NTRK3: variants seen among roughly 807,000 people sequenced by gnomAD.
The protein encoded by NTRK3 is neurotrophic receptor tyrosine kinase 3.
Under a neutral mutation model 91.7 loss-of-function variants are expected in NTRK3, and 24 were observed. That is an observed-to-expected ratio of 0.26 (90% CI 0.19 to 0.37). The LOEUF (loss-of-function observed/expected upper bound fraction) is 0.37, where lower values mean the gene tolerates loss of function less well. Among genes scored for constraint, NTRK3 ranks in the 10% least tolerant of loss-of-function variants. The pLI, the probability that NTRK3 is intolerant of heterozygous loss-of-function variation, is 1.00. For missense variants in NTRK3, 880 were observed against 1,068.9 expected, an observed-to-expected ratio of 0.82 and a Z score of 2.46; for synonymous variants, 483 against 404.0, an observed-to-expected ratio of 1.20 and a Z score of -2.34.
At chr15:88,205,458 C>A (rs375303397) in intron 3 of NTRK3, among the ~76,000 whole-genome samples, 1 of 152,174 alleles carries the variant, frequency 6.6e-6, no homozygotes, top group Non-Finnish European at 1.5e-5. Flanking sequence ...GCGATGCTTA[C>A]GTGAAATCAC....
chr15:87,942,757 G>A (rs2070016206), intron 14 of NTRK3, among the ~76,000 whole-genome samples: 1 of 152,202 alleles, frequency 6.6e-6, no homozygotes, highest in African/African-American at 2.4e-5. Flanking sequence ...AAATGGGTAT[G>A]GGGAGAATAG....
chr15:87,898,902 C>T (rs1470452017), intron 17 of NTRK3, among the ~76,000 whole-genome samples: 2 of 151,626 alleles, frequency 1.3e-5, no homozygotes, highest in Non-Finnish European at 2.9e-5. Context: ...ACTTGGGAGG[C>T]TGACACACAT....
intron 13 of NTRK3, among the ~76,000 whole-genome samples, chr15:88,052,697 G>T (rs542159884): frequency 6.6e-6 from 1 of 152,308 alleles, no homozygotes; most frequent in South Asian, 2.1e-4. Flanking sequence ...AATGAGAAAT[G>T]AGATGGAAAG....
At position 88,227,763 on chromosome 15, in the gene NTRK3, C is replaced by G. The variant is rs144524870; in HGVS notation, c.248+28143G>C. On this transcript the variant is annotated intron_variant, in intron 3 of 18. Coordinates refer to ENST00000394480, the Ensembl canonical transcript of NTRK3. ...CACTCACTGCCCGTTCCTCCCTCCCCCTTTACCCACCTCAGTTCTGGGCCA... is the reference window on the plus strand; with the variant it reads ...CACTCACTGCCCGTTCCTCCCTCCCGCTTTACCCACCTCAGTTCTGGGCCA... 5.0e-3 allele frequency among the ~76,000 whole-genome samples: 754 copies of G among 152,208 alleles called. 2 individuals are homozygous for G. The highest frequency in any genetic ancestry group is 0.018 in the African/African-American group (728 of 41,510).
At chr15:88,231,771 T>C (rs2051204884) in intron 3 of NTRK3, among the ~76,000 whole-genome samples, 1 of 152,224 alleles carries the variant, frequency 6.6e-6, no homozygotes, top group African/African-American at 2.4e-5. Flanking sequence ...GTGACTCTAG[T>C]ATCCACCTTA....
intron 3 of NTRK3, among the ~76,000 whole-genome samples, chr15:88,214,283 G>C (rs2049529591): frequency 1.3e-5 from 2 of 152,120 alleles, no homozygotes; most frequent in East Asian, 1.9e-4. Flanking sequence ...CTGTAGAAGA[G>C]AATCCTCTCT....
intron 14 of NTRK3, among the ~76,000 whole-genome samples, chr15:88,025,178 A>G (rs77545527): frequency 9.2e-5 from 14 of 152,308 alleles, no homozygotes; most frequent in Admixed American, 5.2e-4. Context: ...AATGCAATGA[A>G]CCTCACTTGG....
chr15:88,036,044 TC>T (rs1381762082), intron 13 of NTRK3, among the ~76,000 whole-genome samples: 3 of 151,662 alleles, frequency 2.0e-5, no homozygotes, highest in Non-Finnish European at 4.4e-5. Flanking sequence ...TTAAAAGAAA[TC>T]CCAGAGAGAG....
intron 13 of NTRK3, among the ~76,000 whole-genome samples, chr15:88,067,686 G>A (rs1409312602): frequency 1.3e-5 from 2 of 152,152 alleles, no homozygotes; most frequent in African/African-American, 2.4e-5. Flanking sequence ...GAAGGAAGGT[G>A]GGGAGAAAAG....
intron 14 of NTRK3, among the ~76,000 whole-genome samples, chr15:88,027,983 C>G (rs189058640): frequency 6.6e-6 from 1 of 151,470 alleles, no homozygotes; most frequent in Non-Finnish European, 1.5e-5. Flanking sequence ...TCACAAGAAG[C>G]GAGAAATGAA....
At chr15:88,181,471 T>G (rs985210707) in intron 5 of NTRK3, among the ~76,000 whole-genome samples, 12 of 152,158 alleles carry the variant, frequency 7.9e-5, no homozygotes, top group Non-Finnish European at 1.5e-4. Flanking sequence ...CTCCTGAGCC[T>G]GGGTCCTGAA....
chr15:88,095,984 T>C (rs1407253213), intron 13 of NTRK3, among the ~76,000 whole-genome samples: 1 of 152,196 alleles, frequency 6.6e-6, no homozygotes, highest in Admixed American at 6.5e-5. Context: ...CAGCATTCAT[T>C]CCCTAACAGC....
intron 5 of NTRK3, among the ~76,000 whole-genome samples, chr15:88,183,012 A>ACCCCCCCCCCCCCCCCCCCCCCCC (rs370707792): frequency 5.8e-5 from 7 of 119,872 alleles, no homozygotes; most frequent in African/African-American, 9.2e-5. Context: ...TCTTCTTGCA[A>ACCCCCCCCCCCCCCCCCCCCCCCC]CCCCCCCCCG....
chr15:88,135,071 A>C (rs1225667456), intron 10 of NTRK3, 30 bp downstream of exon 10: 1 of 1,613,446 alleles, frequency 6.2e-7, no homozygotes, highest in African/African-American at 1.3e-5. Context: ...AAGAATCCAT[A>C]CACCTCCGAT....
chr15:88,157,165 A>G (rs142538679), intron 5 of NTRK3, among the ~76,000 whole-genome samples: 55 of 152,180 alleles, frequency 3.6e-4, no homozygotes, highest in African/African-American at 1.3e-3. Flanking sequence ...TGCGCAGCCA[A>G]GCCAGACTCT....
chr15:88,198,418 T>A (rs2048016361), intron 3 of NTRK3, among the ~76,000 whole-genome samples: 2 of 152,154 alleles, frequency 1.3e-5, no homozygotes, highest in Non-Finnish European at 2.9e-5. Flanking sequence ...GAGCTGAATG[T>A]CTCCTCCTGG....
chr15:87,884,599 CAA>C (rs2141504286), intron 17 of NTRK3, among the ~76,000 whole-genome samples: 1 of 151,732 alleles, frequency 6.6e-6, no homozygotes, highest in South Asian at 2.1e-4. Flanking sequence ...TCTCCAAATA[CAA>C]ATAAAATATT....
chr15:88,195,943 G>A (rs1195779514), intron 3 of NTRK3, among the ~76,000 whole-genome samples: 3 of 152,178 alleles, frequency 2.0e-5, no homozygotes, highest in Non-Finnish European at 2.9e-5. Context: ...GAAATGGCCA[G>A]GCCACCCTTT....
chr15:88,183,068 T>C (rs2046650167), intron 5 of NTRK3, among the ~76,000 whole-genome samples: 1 of 130,040 alleles, frequency 7.7e-6, no homozygotes, highest in Non-Finnish European at 1.6e-5. Flanking sequence ...TGGGCCTACT[T>C]ATGGTCTCAG....
Sources: allele counts gnomAD v4.1 joint callset (sites outside exome capture counted in the v4.1 genomes callset), GRCh38; gene constraint gnomAD v4.1.1; transcripts MANE v1.5; gene names NCBI Gene and HGNC (gene_info 2026-07-23, HGNC 2026-07-21).